TENM4: variants seen among roughly 807,000 people sequenced by gnomAD.
The protein encoded by TENM4 is teneurin transmembrane protein 4.
TENM4 carries 82 observed loss-of-function variants against 243.3 expected under a neutral mutation model. That is an observed-to-expected ratio of 0.34 (90% CI 0.28 to 0.40). TENM4 has a LOEUF of 0.40. Among genes scored for constraint, TENM4 ranks in the 10% least tolerant of loss-of-function variants. The pLI is 1.00. For missense variants in TENM4, 3,138 were observed against 3,673.3 expected (o/e 0.85, Z 3.77); for synonymous variants, 1,412 against 1,456.3 (o/e 0.97, Z 0.69).
intron 11 of TENM4, 45 bp from the exon 12 acceptor site, chr11:78,854,359 A>C (rs544163123): frequency 1.4e-6 from 2 of 1,437,648 alleles, no homozygotes; most frequent in Non-Finnish European, 1.8e-6. Flanking sequence ...CTGTTCCACC[A>C]CGCACCAGCG....
At chr11:79,259,513 C>G (rs1332110817) in intron 2 of TENM4, among the ~76,000 whole-genome samples, 1 of 151,970 alleles carries the variant, frequency 6.6e-6, no homozygotes, top group African/African-American at 2.4e-5. Context: ...ATCCATCCAT[C>G]CATCCATCCA....
At chr11:78,704,148 T>C (rs1859181209) in intron 27 of TENM4, among the ~76,000 whole-genome samples, 1 of 125,048 alleles carries the variant, frequency 8.0e-6, no homozygotes, top group South Asian at 2.5e-4. Flanking sequence ...TCTATGTGTA[T>C]GTATGTGTGT....
rs567757071 is a variant in TENM4 at position 79,052,689 on chromosome 11, C to A, written c.493+12049G>T. 3.9e-5 allele frequency among the ~76,000 whole-genome samples: 6 copies of A among 152,316 alleles called. No homozygotes were observed. In the South Asian group the frequency reaches 1.2e-3, roughly 32 times the overall value. ...ACAGCAGCATCCATCACAGCTTATG[C>A]ACCCTTTCAGTCTCTTGGGGTCGCC... On this transcript the variant is annotated intron_variant, in intron 6 of 33. Coordinates refer to ENST00000278550, the MANE Select transcript of TENM4 (RefSeq NM_001098816.3).
At chr11:78,969,849 C>A (rs932265876) in intron 6 of TENM4, among the ~76,000 whole-genome samples, 1 of 152,310 alleles carries the variant, frequency 6.6e-6, no homozygotes, top group African/African-American at 2.4e-5. Context: ...CTTAGCCCAA[C>A]ACACAGCCAT....
rs1857849676 is a variant in TENM4, at chr11:78,983,503, C to A, written c.494-79980G>T. Among the ~76,000 whole-genome samples the A allele has an allele frequency of 3.3e-5, 5 of 152,368 alleles. No homozygotes were observed. In the South Asian group the frequency reaches 1.0e-3, roughly 32 times the overall value. On this transcript the variant is annotated intron_variant, in intron 6 of 33. Transcript: ENST00000278550. ...CATTCCTGATGCTCATGGTGTCCTGCCTTGGGCTCTAGGGACACAGATGCA... is the reference window on the plus strand; with the variant it reads ...CATTCCTGATGCTCATGGTGTCCTGACTTGGGCTCTAGGGACACAGATGCA...
At chr11:78,667,818 C>G (rs1858193453) in intron 32 of TENM4, among the ~76,000 whole-genome samples, 1 of 152,210 alleles carries the variant, frequency 6.6e-6, no homozygotes, top group South Asian at 2.1e-4. Flanking sequence ...AGACTACTGG[C>G]TTTGCAAGGT....
chr11:78,744,587 T>C (rs113344438), intron 19 of TENM4, among the ~76,000 whole-genome samples: 1 of 152,192 alleles, frequency 6.6e-6, no homozygotes, highest in African/African-American at 2.4e-5. Context: ...ACTGAAATAA[T>C]TGAGAATCCC....
At chr11:79,352,350 G>T (rs905208277) in intron 1 of TENM4, among the ~76,000 whole-genome samples, 10 of 152,190 alleles carry the variant, frequency 6.6e-5, no homozygotes, top group African/African-American at 2.4e-5. Flanking sequence ...ATAGGCAAGG[G>T]TAAGACCACA....
intron 6 of TENM4, among the ~76,000 whole-genome samples, chr11:78,933,016 T>C (rs1856704370): frequency 6.6e-6 from 1 of 152,096 alleles, no homozygotes; most frequent in Non-Finnish European, 1.5e-5. Context: ...ACAGAGCTGT[T>C]CCACAGGGGA....
chr11:78,818,877 T>A (rs1181643823), intron 12 of TENM4, among the ~76,000 whole-genome samples: 1 of 151,970 alleles, frequency 6.6e-6, no homozygotes, highest in African/African-American at 2.4e-5. Flanking sequence ...TATGAATAAT[T>A]GGTTTTCATA....
intron 6 of TENM4, among the ~76,000 whole-genome samples, chr11:79,011,329 C>T (rs1858635007): frequency 6.6e-6 from 1 of 152,192 alleles, no homozygotes; most frequent in African/African-American, 2.4e-5. Context: ...AGAATCACAG[C>T]AGGGACTGTG....
chr11:78,899,455 G>A (rs907051838), intron 7 of TENM4, among the ~76,000 whole-genome samples: 3 of 150,042 alleles, frequency 2.0e-5, no homozygotes, highest in Non-Finnish European at 4.4e-5. Flanking sequence ...GCACATGCCT[G>A]TAGTCCCAGC....
intron 2 of TENM4, among the ~76,000 whole-genome samples, chr11:79,228,331 T>G (rs1318980067): frequency 6.6e-6 from 1 of 152,162 alleles, no homozygotes; most frequent in Non-Finnish European, 1.5e-5. Context: ...ACAGGTGGCC[T>G]TTTATTGACT....
At chr11:79,137,539 T>C (rs1239161171) in intron 4 of TENM4, among the ~76,000 whole-genome samples, 1 of 152,068 alleles carries the variant, frequency 6.6e-6, no homozygotes, top group East Asian at 1.9e-4. Context: ...GAATACAGAA[T>C]GTGTAGTAGA....
intron 27 of TENM4, among the ~76,000 whole-genome samples, chr11:78,705,100 C>G: frequency 6.6e-6 from 1 of 152,230 alleles, no homozygotes; most frequent in East Asian, 1.9e-4. Flanking sequence ...ACACAGTTTG[C>G]TCTAAAGTGA....
chr11:79,155,349 C>G (rs1042375668), intron 3 of TENM4, among the ~76,000 whole-genome samples: 22 of 151,628 alleles, frequency 1.5e-4, no homozygotes, highest in Non-Finnish European at 2.5e-4. Flanking sequence ...ATATGTCTCT[C>G]TCTCTCTTTT....
intron 7 of TENM4, among the ~76,000 whole-genome samples, chr11:78,897,040 T>C (rs953655016): frequency 2.3e-4 from 35 of 152,188 alleles, no homozygotes; most frequent in Non-Finnish European, 1.0e-4. Context: ...GCTGGCTCAC[T>C]GTGCCTCAAC....
chr11:79,051,428 T>G (rs897162235), intron 6 of TENM4, among the ~76,000 whole-genome samples: 1 of 152,222 alleles, frequency 6.6e-6, no homozygotes, highest in African/African-American at 2.4e-5. Flanking sequence ...AAGTGTGTGT[T>G]TGCAGGGGCT....
chr11:79,322,487 G>C (rs1856907952), intron 1 of TENM4, among the ~76,000 whole-genome samples: 1 of 152,188 alleles, frequency 6.6e-6, no homozygotes, highest in South Asian at 2.1e-4. Flanking sequence ...TATAGGATGT[G>C]TCACTGTTCT....
Sources: gnomAD v4.1 joint callset for allele counts (sites outside exome capture counted in the v4.1 genomes callset) on GRCh38, gnomAD v4.1.1 for gene constraint, MANE v1.5 for transcripts, NCBI Gene and HGNC (gene_info 2026-07-23, HGNC 2026-07-21) for gene names.